Variants in BAALC observed in about 807,000 individuals in gnomAD.
BAALC encodes the protein BAALC binder of MAP3K1 and KLF4.
Under a neutral mutation model 15.5 loss-of-function variants are expected in BAALC, and 9 were observed. That is an observed-to-expected ratio of 0.58 (90% CI 0.35 to 1.02). The LOEUF (loss-of-function observed/expected upper bound fraction) is 1.02, where lower values mean the gene tolerates loss of function less well. Among genes scored for constraint, BAALC ranks in the 50% least tolerant of loss-of-function variants. The pLI is 0.02. For synonymous variants in BAALC, 80 were observed against 74.6 expected (o/e 1.07, Z -0.37); for missense variants, 201 against 192.4 (o/e 1.04, Z -0.27).
chr8:103,203,869 T>C (rs941020716), intron 1 of BAALC, among the ~76,000 whole-genome samples: 1 of 152,216 alleles, frequency 6.6e-6, no homozygotes, highest in African/African-American at 2.4e-5. Context: ...TTTTTGGCTT[T>C]TATAAATAAG....
intron 1 of BAALC, among the ~76,000 whole-genome samples, chr8:103,152,419 C>G (rs543652274): frequency 6.6e-6 from 1 of 152,334 alleles, no homozygotes; most frequent in East Asian, 1.9e-4. Flanking sequence ...CACCCTTTGG[C>G]TCTCAGTTCA....
intron 2 of BAALC, among the ~76,000 whole-genome samples, chr8:103,224,301 C>T (rs1042208379): frequency 1.3e-5 from 2 of 151,906 alleles, no homozygotes; most frequent in Non-Finnish European, 2.9e-5. Flanking sequence ...AACATGTGCC[C>T]AAGGTGAGCG....
intron 2 of BAALC, among the ~76,000 whole-genome samples, chr8:103,224,718 T>C (rs960813800): frequency 4.6e-5 from 7 of 152,174 alleles, no homozygotes; most frequent in African/African-American, 1.7e-4. Context: ...GGGGATTCTC[T>C]ATAGAATGTG....
chr8:103,150,679 G>A (rs1174510866), intron 1 of BAALC, among the ~76,000 whole-genome samples: 1 of 152,212 alleles, frequency 6.6e-6, no homozygotes, highest in Non-Finnish European at 1.5e-5. Context: ...TTCACTTGTG[G>A]TGATGTTGTG....
chr8:103,194,316 C>T (rs1320107300), intron 1 of BAALC, among the ~76,000 whole-genome samples: 6 of 152,204 alleles, frequency 3.9e-5, no homozygotes, highest in Admixed American at 3.9e-4. Flanking sequence ...AATCTTTTGC[C>T]TTTAAGGATT....
At chr8:103,172,436 G>A (rs1017444561) in intron 1 of BAALC, among the ~76,000 whole-genome samples, 6 of 109,508 alleles carry the variant, frequency 5.5e-5, no homozygotes, top group Non-Finnish European at 8.5e-5. Flanking sequence ...TCGCTCTATT[G>A]CCCAGGCTGG....
chr8:103,168,986 T>A (rs1224074103), intron 1 of BAALC, among the ~76,000 whole-genome samples: 1 of 152,200 alleles, frequency 6.6e-6, no homozygotes, highest in Non-Finnish European at 1.5e-5. Flanking sequence ...CTGAAGTCAT[T>A]CTGATTCTCA....
In BAALC at chr8:103,179,263, T is replaced by TTAG. The variant is rs200879976; in HGVS notation, c.161-33652_161-33650dup. The stretch of plus-strand genomic sequence containing the variant: ...TGCTGTCGTGGGCACTGTAGGATGT[T>TTAG]TAGTAGCATGTGTGGCCTCTACAGC... On this transcript the variant is annotated intron_variant, in intron 1 of 2. Coordinates refer to ENST00000309982, the MANE Select transcript of BAALC (RefSeq NM_024812.3). Among the ~76,000 whole-genome samples the TTAG allele has an allele frequency of 8.1e-3, 1,237 of 152,314 alleles. 26 individuals are homozygous for TTAG. Among genetic ancestry groups the TTAG allele is most frequent in the African/African-American group, 0.028 (1,181 of 41,564 alleles).
chr8:103,217,076 C>T (rs1411047908), intron 2 of BAALC, among the ~76,000 whole-genome samples: 1 of 152,186 alleles, frequency 6.6e-6, no homozygotes, highest in East Asian at 1.9e-4. Flanking sequence ...CACACACCTG[C>T]CCAACGCAGC....
chr8:103,188,230 C>A (rs1188030967), intron 1 of BAALC, among the ~76,000 whole-genome samples: 1 of 152,172 alleles, frequency 6.6e-6, no homozygotes, highest in Non-Finnish European at 1.5e-5. Context: ...CCCCACCTCA[C>A]AGCTCCCAGA....
chr8:103,153,607 T>C (rs865836889), intron 1 of BAALC, among the ~76,000 whole-genome samples: 13 of 152,336 alleles, frequency 8.5e-5, no homozygotes, highest in South Asian at 2.1e-4. Context: ...TCCTGCAAGA[T>C]TAATGCCAGC....
At chr8:103,184,097 A>C (rs1469414345) in intron 1 of BAALC, among the ~76,000 whole-genome samples, 1 of 152,124 alleles carries the variant, frequency 6.6e-6, no homozygotes, top group African/African-American at 2.4e-5. Context: ...TTTCAAAACT[A>C]GCAACATTGC....
intron 1 of BAALC, among the ~76,000 whole-genome samples, chr8:103,187,644 C>G (rs755363269): frequency 9.2e-5 from 14 of 152,102 alleles, no homozygotes; most frequent in South Asian, 2.1e-4. Flanking sequence ...GCTTATGGTC[C>G]CTCATCTCTT....
At chr8:103,174,306 G>A (rs1163204491) in intron 1 of BAALC, among the ~76,000 whole-genome samples, 1 of 151,478 alleles carries the variant, frequency 6.6e-6, no homozygotes, top group Non-Finnish European at 1.5e-5. Context: ...ATAAAGGACA[G>A]TCATTTGTGT....
At chr8:103,167,550 AATT>A (rs1317622784) in intron 1 of BAALC, among the ~76,000 whole-genome samples, 1 of 152,194 alleles carries the variant, frequency 6.6e-6, no homozygotes, top group South Asian at 2.1e-4. Flanking sequence ...TCATACAATT[AATT>A]ATTATTGTTG....
At chr8:103,145,119 C>G (rs1186234461) in intron 1 of BAALC, among the ~76,000 whole-genome samples, 1 of 152,238 alleles carries the variant, frequency 6.6e-6, no homozygotes, top group East Asian at 1.9e-4. Flanking sequence ...TCACTAAACT[C>G]AAAGTCAAGT....
At chr8:103,220,433 T>A (rs1812651947) in intron 2 of BAALC, among the ~76,000 whole-genome samples, 1 of 152,350 alleles carries the variant, frequency 6.6e-6, no homozygotes, top group Admixed American at 6.5e-5. Context: ...CAGGGATTTT[T>A]CTTTTCTTTT....
chr8:103,210,599 GT>G lies in BAALC; in HGVS notation c.161-2317del, dbSNP rs532265214. On this transcript the variant is annotated intron_variant, in intron 1 of 2. Coordinates refer to ENST00000309982, the MANE Select transcript of BAALC (RefSeq NM_024812.3). ...AAGGATTTTGTTTGTTTTTCTTTAC[GT>G]TTGATTAAAAGCAAGCCCAGGCAAA... Among the ~76,000 whole-genome samples the G allele has an allele frequency of 8.6e-4, 131 of 152,312 alleles. 7 individuals are homozygous for G. In the South Asian group the frequency reaches 0.027, roughly 31 times the overall value.
intron 1 of BAALC, among the ~76,000 whole-genome samples, chr8:103,158,259 G>A (rs751871242): frequency 1.3e-5 from 2 of 152,146 alleles, no homozygotes; most frequent in Non-Finnish European, 2.9e-5. Context: ...GCTATATTCA[G>A]TTAGACAGGA....
Sources: allele counts gnomAD v4.1 joint callset (sites outside exome capture counted in the v4.1 genomes callset), GRCh38; gene constraint gnomAD v4.1.1; transcripts MANE v1.5; gene names NCBI Gene and HGNC (gene_info 2026-07-23, HGNC 2026-07-21).